The following FERMT1 variants were observed in gnomAD, a reference collection of about 807,000 sequenced individuals.
The protein encoded by FERMT1 is FERM domain containing kindlin 1, also known as fermitin family homolog 1.
FERMT1 carries 60 observed loss-of-function variants against 85.3 expected under a neutral mutation model. The observed-to-expected ratio is 0.70, with a 90% confidence interval of 0.57 to 0.87. The LOEUF (loss-of-function observed/expected upper bound fraction) is 0.87, where lower values mean the gene tolerates loss of function less well. Ranked by LOEUF, FERMT1 falls within the 40% of genes least tolerant of loss-of-function variation. The probability of loss-of-function intolerance (pLI) is 0.00; values close to 1 mark genes in which losing one functional copy is unlikely to be tolerated. For synonymous variants in FERMT1, 275 were observed against 301.1 expected (o/e 0.91, Z 0.90); for missense variants, 701 against 818.9 (o/e 0.86, Z 1.76).
intron 9 of FERMT1, among the ~76,000 whole-genome samples, chr20:6,089,533 C>T (rs959261156): frequency 6.6e-6 from 1 of 152,186 alleles, no homozygotes; most frequent in Non-Finnish European, 1.5e-5. Flanking sequence ...CATTTGGAAT[C>T]TCGGCATACT....
chr20:6,110,523 G>T lies in FERMT1; in HGVS notation c.533-12C>A. The T allele has an allele frequency of 6.3e-7, 1 of 1,598,644 alleles. No homozygotes were observed. The highest frequency in any genetic ancestry group is 1.1e-5 in the South Asian group (1 of 90,758). ...TAAACCAGGACTTACTGCAAGGCAG[G>T]GGGATCAAGAACTATGATATGAGAA... On this transcript the variant is annotated splice_polypyrimidine_tract_variant and intron_variant, in intron 4 of 14. Transcript: ENST00000217289.
chr20:6,093,522 G>A (rs1982420977), intron 9 of FERMT1, among the ~76,000 whole-genome samples: 1 of 152,178 alleles, frequency 6.6e-6, no homozygotes, highest in South Asian at 2.1e-4. Flanking sequence ...AGAGAATGTG[G>A]CAACTCATTT....
rs1304294488 is a variant in FERMT1, at chr20:6,076,847, C to T, written c.*326G>A. On this transcript the variant is annotated 3_prime_UTR_variant, in exon 15 of 15. Coordinates refer to ENST00000217289, the MANE Select transcript of FERMT1 (RefSeq NM_017671.5). ...ATGAGACAGATCAGCACGAGGATAACTTGTAGCCATACACCTGGCAGGTTC... is the reference window on the plus strand; with the variant it reads ...ATGAGACAGATCAGCACGAGGATAATTTGTAGCCATACACCTGGCAGGTTC... The T allele has an allele frequency of 1.4e-5, 6 of 430,662 alleles. No homozygotes were observed. The highest frequency in any genetic ancestry group is 3.5e-5 in the Admixed American group (1 of 28,196). 26.7% of individuals were successfully genotyped at this position (430,662 alleles called of 1,614,324 possible).
rs765654385 is a variant in FERMT1 at position 6,077,161 on chromosome 20, C to T, written c.*12G>A. 72 of 1,613,146 alleles carry T rather than the reference C, an allele frequency of 4.5e-5. 1 individual carries two copies. In the South Asian group the frequency reaches 6.4e-4, roughly 14 times the overall value. The stretch of plus-strand genomic sequence containing the variant: ...TTGCCTTGTTGGTGTGAGCCGAGCA[C>T]GCGTGCTTGTTTCAATCCTGACCGC... On this transcript the variant is annotated 3_prime_UTR_variant, in exon 15 of 15. Coordinates refer to ENST00000217289, the MANE Select transcript of FERMT1 (RefSeq NM_017671.5).
chr20:6,082,532 G>C (rs574737142), intron 13 of FERMT1, among the ~76,000 whole-genome samples: 81 of 152,344 alleles, frequency 5.3e-4, no homozygotes, highest in Admixed American at 1.0e-3. Flanking sequence ...TATCCAGTAC[G>C]ACTCCGCGCT....
intron 10 of FERMT1, among the ~76,000 whole-genome samples, chr20:6,088,266 A>G (rs768692106): frequency 7.2e-5 from 11 of 152,236 alleles, no homozygotes; most frequent in Admixed American, 5.2e-4. Flanking sequence ...TTCAATTAAT[A>G]GATGGTTATC....
intron 2 of FERMT1, 103 bp downstream of exon 2, chr20:6,119,301 G>T: frequency 2.6e-6 from 3 of 1,159,656 alleles, no homozygotes; most frequent in South Asian, 2.5e-5. Flanking sequence ...GCTCTCCAGG[G>T]CATTACAAGA....
chr20:6,110,519 G>A lies in FERMT1; in HGVS notation c.533-8C>T. 6.2e-7 allele frequency: 1 copy of A among 1,604,466 alleles called. No homozygotes were observed. The highest frequency in any genetic ancestry group is 2.2e-5 in the East Asian group (1 of 44,832). Reference sequence around the variant, plus strand: ...TGTATAAACCAGGACTTACTGCAAGGCAGGGGGATCAAGAACTATGATATG... The same window carrying A: ...TGTATAAACCAGGACTTACTGCAAGACAGGGGGATCAAGAACTATGATATG... On this transcript the variant is annotated splice_region_variant and splice_polypyrimidine_tract_variant and intron_variant, in intron 4 of 14. Transcript: ENST00000217289.
chr20:6,113,485 C>T (rs929973729), intron 3 of FERMT1, among the ~76,000 whole-genome samples: 2 of 152,192 alleles, frequency 1.3e-5, no homozygotes, highest in Admixed American at 6.5e-5. Context: ...CATTGCCCAT[C>T]AGCTCATTTT....
chr20:6,099,238 A>G (rs1160468326), intron 6 of FERMT1, among the ~76,000 whole-genome samples: 1 of 152,100 alleles, frequency 6.6e-6, no homozygotes, highest in Non-Finnish European at 1.5e-5. Flanking sequence ...CCCCGTCTCT[A>G]CTAAAAATAC....
rs762180518 is a variant in FERMT1 at position 6,119,446 on chromosome 20, G to A, written c.109C>T (p.Leu37Phe). 4 of 1,613,968 alleles carry A rather than the reference G, an allele frequency of 2.5e-6. No individual in the cohort carries two copies. The African/African-American group carries it at 5.3e-5, about 22-fold the overall frequency. ...TTGAGCATCACTCCTCCAACATGAA[G>A]GTCTCCAGATACTCTCAGTGTGACG... ...KDVTLRVSGDLHVGGVMLKLV... is the reference protein window; with the variant it reads ...KDVTLRVSGDFHVGGVMLKLV... The change falls in exon 2 of 15, where the codon CTT becomes TTT. Residue 37 changes from leucine to phenylalanine, a missense_variant. Leu to Phe is a conservative substitution (Grantham distance 22, BLOSUM62 0). Transcript: ENST00000217289.
At chr20:6,110,590 C>A (rs928531946) in intron 4 of FERMT1, 79 bp from the exon 5 acceptor site, 1 of 1,144,320 alleles carries the variant, frequency 8.7e-7, no homozygotes, top group Admixed American at 1.7e-5. Flanking sequence ...ACATTACTTA[C>A]ACTAAAATGA....
chr20:6,079,645 T>A, intron 13 of FERMT1, 68 bp from the exon 14 acceptor site: 1 of 1,424,316 alleles, frequency 7.0e-7, no homozygotes, highest in Non-Finnish European at 9.8e-7. Context: ...CACTCACATA[T>A]AACTTCTTAA....
chr20:6,112,549 TG>T lies in FERMT1; in HGVS notation c.459del (p.Asp153GlufsTer8). 1 of 1,611,426 alleles carries T rather than the reference TG, an allele frequency of 6.2e-7. No individual in the cohort carries two copies. Among genetic ancestry groups the T allele is most frequent in the Non-Finnish European group, 8.5e-7 (1 of 1,178,680 alleles). On this transcript the variant is annotated frameshift_variant, in exon 4 of 15. Transcript: ENST00000217289. LOFTEE classifies it high-confidence loss of function. Reference protein sequence around the residue: ...GDYFKKKKKKDKNNKEPIIED... With the variant: ...GDYFKKKKKKXKNNKEPIIED... ...TCAATTATGGGTTCCTTATTATTTTTGTCTTTTTTCTTCTTCTTCTTAAAAT... is the reference window on the plus strand; with the variant it reads ...TCAATTATGGGTTCCTTATTATTTTTTCTTTTTTCTTCTTCTTCTTAAAAT...
In FERMT1 at chr20:6,104,057, G is replaced by T. The variant is rs890893537; in HGVS notation, c.849+3475C>A. 1.3e-5 allele frequency among the ~76,000 whole-genome samples: 2 copies of T among 151,954 alleles called. No homozygotes were observed. The highest frequency in any genetic ancestry group is 2.9e-5 in the Non-Finnish European group (2 of 67,986). ...GGCTAATTTTTGTATTTTTAGTAGA[G>T]ATGGGGTTTCACCATGTTGGCCAGG... is the stretch of plus-strand genomic sequence containing the variant. On this transcript the variant is annotated intron_variant, in intron 6 of 14. Coordinates refer to ENST00000217289, the MANE Select transcript of FERMT1 (RefSeq NM_017671.5). This position sits in a 1 kb window ranked among gnomAD's most constrained non-coding sequence, Gnocchi z 4.2.
Position 6,077,024 on chromosome 20 carries a change from A to G in FERMT1, c.*149T>C. On this transcript the variant is annotated 3_prime_UTR_variant, in exon 15 of 15. Coordinates refer to ENST00000217289, the MANE Select transcript of FERMT1 (RefSeq NM_017671.5). ...AAAGTAAGGAAAGGGATGTGCCAGCAGTGGGTTTGAATGAGGATCTGGGTG... is the reference window on the plus strand; with the variant it reads ...AAAGTAAGGAAAGGGATGTGCCAGCGGTGGGTTTGAATGAGGATCTGGGTG... 1 of 783,262 alleles carries G rather than the reference A, an allele frequency of 1.3e-6. No homozygotes were observed. The highest frequency in any genetic ancestry group is 2.5e-5 in the East Asian group (1 of 40,226). The allele number at this position is 783,262 out of a possible 1,614,324, so 48.5% of individuals were successfully genotyped here.
intron 1 of FERMT1, among the ~76,000 whole-genome samples, chr20:6,120,120 C>T (rs1983229995): frequency 6.6e-6 from 1 of 151,928 alleles, no homozygotes; most frequent in Non-Finnish European, 1.5e-5. Flanking sequence ...TATATTATTA[C>T]ATTCCTCCTA....
intron 11 of FERMT1, among the ~76,000 whole-genome samples, chr20:6,086,768 A>G (rs1982198887): frequency 1.3e-5 from 2 of 152,058 alleles, no homozygotes; most frequent in Non-Finnish European, 2.9e-5. Flanking sequence ...CAATGTGAAG[A>G]TGTGCTTGCT....
intron 8 of FERMT1, among the ~76,000 whole-genome samples, chr20:6,095,605 C>T (rs553657709): frequency 2.0e-5 from 3 of 152,266 alleles, no homozygotes; most frequent in Admixed American, 6.5e-5. Context: ...GTTAGCATCA[C>T]GTAAAACTAT....
Sources: allele counts gnomAD v4.1 joint callset (sites outside exome capture counted in the v4.1 genomes callset), GRCh38; gene constraint gnomAD v4.1.1; non-coding constraint Gnocchi (gnomAD v3.1); transcripts MANE v1.5; gene names NCBI Gene and HGNC (gene_info 2026-07-23, HGNC 2026-07-21).